SLCO1B1: variants seen among roughly 807,000 people sequenced by gnomAD.
The protein encoded by SLCO1B1 is OATP-2.
SLCO1B1 carries 81 observed loss-of-function variants against 70.1 expected under a neutral mutation model. That is an observed-to-expected ratio of 1.16 (90% CI 0.97 to 1.39). SLCO1B1 has a LOEUF of 1.39. Among genes scored for constraint, SLCO1B1 ranks in the 40% most tolerant of loss-of-function variants. The pLI, the probability that SLCO1B1 is intolerant of heterozygous loss-of-function variation, is 0.00. For missense variants in SLCO1B1, 895 were observed against 799.6 expected, an observed-to-expected ratio of 1.12 and a Z score of -1.44; for synonymous variants, 283 against 271.5, an observed-to-expected ratio of 1.04 and a Z score of -0.42.
chr12:21,163,674 T>C (rs961964562), intron 2 of SLCO1B1, among the ~76,000 whole-genome samples: 4 of 152,122 alleles, frequency 2.6e-5, no homozygotes, highest in Non-Finnish European at 5.9e-5. Flanking sequence ...TTTCCTGACA[T>C]GGCTAAAAGA....
intron 7 of SLCO1B1, among the ~76,000 whole-genome samples, chr12:21,184,241 A>G (rs1940937775): frequency 2.0e-5 from 3 of 152,196 alleles, no homozygotes; most frequent in Admixed American, 2.0e-4. Flanking sequence ...AAATTCCTAA[A>G]TTACAGAGAA....
chr12:21,220,433 A>G (rs942416747), intron 12 of SLCO1B1, among the ~76,000 whole-genome samples: 2 of 152,142 alleles, frequency 1.3e-5, no homozygotes, highest in African/African-American at 4.8e-5. Flanking sequence ...AGGCTGAAGT[A>G]TAATGGCATG....
chr12:21,182,054 C>T (rs1940905332), intron 7 of SLCO1B1, among the ~76,000 whole-genome samples: 1 of 152,140 alleles, frequency 6.6e-6, no homozygotes, highest in Non-Finnish European at 1.5e-5. Context: ...ATTGAATAAA[C>T]TAACATACTT....
intron 3 of SLCO1B1, 22 bp from the exon 4 acceptor site, chr12:21,174,555 C>G: frequency 1.2e-6 from 2 of 1,611,496 alleles, no homozygotes; most frequent in Non-Finnish European, 1.7e-6. Flanking sequence ...GCTGTATCAA[C>G]ATAATTTTGT....
chr12:21,149,678 C>G (rs1227172823), intron 2 of SLCO1B1, among the ~76,000 whole-genome samples: 2 of 152,294 alleles, frequency 1.3e-5, no homozygotes, highest in African/African-American at 4.8e-5. Flanking sequence ...GGTCCAGATA[C>G]TATGCTTTTC....
rs112556233 is a variant in SLCO1B1 at position 21,155,680 on chromosome 12, G to A, written c.84+14022G>A. Among the ~76,000 whole-genome samples the A allele has an allele frequency of 8.5e-5, 13 of 152,310 alleles. 1 individual carries two copies. The highest frequency in any genetic ancestry group is 3.3e-4 in the Admixed American group (5 of 15,298). ...TGTGAACCCTGAAAGCTCAGAAAAA[G>A]GGGAGGGAAATGAGCCTCAAGGTGA... On this transcript the variant is annotated intron_variant, in intron 2 of 14. Transcript: ENST00000256958.
intron 13 of SLCO1B1, among the ~76,000 whole-genome samples, chr12:21,223,281 A>T (rs538538041): frequency 6.6e-6 from 1 of 152,334 alleles, no homozygotes; most frequent in East Asian, 1.9e-4. Flanking sequence ...ACCTATGGAA[A>T]AAATACACAT....
At chr12:21,179,741 G>A (rs1940869719) in intron 7 of SLCO1B1, among the ~76,000 whole-genome samples, 1 of 151,960 alleles carries the variant, frequency 6.6e-6, no homozygotes, top group African/African-American at 2.4e-5. Context: ...TGTATCCAAT[G>A]TTGATAGATC....
At position 21,166,155 on chromosome 12, in the gene SLCO1B1, G is replaced by A. The variant is rs576919406; in HGVS notation, c.85-6495G>A. Among the ~76,000 whole-genome samples, 56 of 151,942 alleles carry A rather than the reference G, an allele frequency of 3.7e-4. 1 individual carries two copies. Among genetic ancestry groups the A allele is most frequent in the African/African-American group, 1.3e-3 (52 of 41,474 alleles). On this transcript the variant is annotated intron_variant, in intron 2 of 14. Transcript: ENST00000256958. ...ATTTGAAAAAAAAGTGGCCGAGAAC[G>A]TCCCAAATTTGATAAAATATATGAT... is the stretch of plus-strand genomic sequence containing the variant.
At chr12:21,146,146 A>G (rs1035977478) in intron 2 of SLCO1B1, among the ~76,000 whole-genome samples, 4 of 152,092 alleles carry the variant, frequency 2.6e-5, no homozygotes, top group Non-Finnish European at 4.4e-5. Flanking sequence ...TCCTTTTAAT[A>G]TTGTCTATTT....
At chr12:21,208,379 T>C (rs1941238688) in intron 11 of SLCO1B1, among the ~76,000 whole-genome samples, 1 of 152,156 alleles carries the variant, frequency 6.6e-6, no homozygotes. Flanking sequence ...ATTTACTGAA[T>C]AATGAGTACT....
In SLCO1B1 at chr12:21,202,597, T is replaced by A; in HGVS notation, c.1242T>A (p.Thr414=). ...GAATTGCCAAATTCTCATGTTTTACTGCTGTGATGTCATTGTCCTTTTACC... is the reference window on the plus strand; with the variant it reads ...GAATTGCCAAATTCTCATGTTTTACAGCTGTGATGTCATTGTCCTTTTACC... ...TVGIAKFSCF[T]AVMSLSFYLL... Residue 414 remains threonine, a synonymous_variant, in exon 10 of 15, where the codon ACT becomes ACA. Coordinates refer to ENST00000256958, the MANE Select transcript of SLCO1B1 (RefSeq NM_006446.5). 6.2e-7 allele frequency: 1 copy of A among 1,612,806 alleles called. No individual in the cohort carries two copies. The highest frequency in any genetic ancestry group is 8.5e-7 in the Non-Finnish European group (1 of 1,179,242).
intron 12 of SLCO1B1, among the ~76,000 whole-genome samples, chr12:21,218,204 G>T (rs1039516233): frequency 6.6e-6 from 1 of 152,080 alleles, no homozygotes; most frequent in Admixed American, 6.6e-5. Context: ...AAAAGAAGCT[G>T]GCAGATTGAA....
chr12:21,234,377 A>T (rs1941574876), intron 14 of SLCO1B1, among the ~76,000 whole-genome samples: 1 of 152,122 alleles, frequency 6.6e-6, no homozygotes, highest in African/African-American at 2.4e-5. Flanking sequence ...TTAGAGTCAG[A>T]ATCTTGTAGC....
chr12:21,160,564 G>T (rs191579856), intron 2 of SLCO1B1, among the ~76,000 whole-genome samples: 1 of 151,766 alleles, frequency 6.6e-6, no homozygotes, highest in African/African-American at 2.4e-5. Context: ...AAAAACCCTG[G>T]AAGACAACCT....
intron 7 of SLCO1B1, among the ~76,000 whole-genome samples, chr12:21,189,089 T>C (rs1280876133): frequency 2.6e-5 from 4 of 152,216 alleles, no homozygotes; most frequent in Non-Finnish European, 4.4e-5. Flanking sequence ...GCAAATGGTC[T>C]CTTCAAGATA....
In SLCO1B1 at chr12:21,200,938, A is replaced by G. The variant is rs4149066; in HGVS notation, c.1135+266A>G. ...ACAATTTAGAGGTAGTATCTGTATA[A>G]TTGGATCTTATAATTTAGTGCTAAG... On this transcript the variant is annotated intron_variant, in intron 9 of 14. Coordinates refer to ENST00000256958, the MANE Select transcript of SLCO1B1 (RefSeq NM_006446.5). Among the ~76,000 whole-genome samples, 18,092 of 152,084 alleles carry G rather than the reference A, an allele frequency of 0.12. 1,936 individuals carry two copies. The highest frequency in any genetic ancestry group is 0.31 in the South Asian group (1,478 of 4,810).
chr12:21,178,682 T>A lies in SLCO1B1; in HGVS notation c.588T>A (p.Ile196=), dbSNP rs1190768723. Residue 196 remains isoleucine (I), a synonymous_variant, in exon 6 of 15, where the codon ATT becomes ATA. Transcript: ENST00000256958. ...TPIVPLGLSY[I]DDFAKEGHSS... ...TAGTACCATTGGGGCTTTCTTACAT[T>A]GATGATTTCGCTAAAGAAGGACATT... is the stretch of plus-strand genomic sequence containing the variant. 6.2e-7 allele frequency: 1 copy of A among 1,607,238 alleles called. No individual in the cohort carries two copies. Among genetic ancestry groups the A allele is most frequent in the South Asian group, 1.1e-5 (1 of 91,022 alleles).
intron 11 of SLCO1B1, 107 bp downstream of exon 11, chr12:21,206,140 A>G: frequency 1.0e-6 from 1 of 958,676 alleles, no homozygotes; most frequent in South Asian, 1.4e-5. Flanking sequence ...AAAAGATAAA[A>G]GAGAAAGTTT....
Sources: allele counts gnomAD v4.1 joint callset (sites outside exome capture counted in the v4.1 genomes callset), GRCh38; gene constraint gnomAD v4.1.1; transcripts MANE v1.5; gene names NCBI Gene and HGNC (gene_info 2026-07-23, HGNC 2026-07-21).